CNTNAP2: variants seen among roughly 807,000 people sequenced by gnomAD.
CNTNAP2 encodes contactin-associated protein-like 2.
Under a neutral mutation model 155.2 loss-of-function variants are expected in CNTNAP2, and 98 were observed. The observed-to-expected ratio is 0.63, with a 90% CI of 0.54 to 0.75. The LOEUF is 0.75. Ranked by LOEUF, CNTNAP2 falls within the 30% of genes least tolerant of loss-of-function variation. The pLI, the probability that CNTNAP2 is intolerant of heterozygous loss-of-function variation, is 0.00. For synonymous variants in CNTNAP2, 651 were observed against 631.2 expected (o/e 1.03, Z -0.47); for missense variants, 1,727 against 1,688.1 (o/e 1.02, Z -0.40).
chr7:146,821,938 G>T (rs1323029336), intron 2 of CNTNAP2, among the ~76,000 whole-genome samples: 10 of 151,528 alleles, frequency 6.6e-5, no homozygotes, highest in African/African-American at 2.2e-4. Flanking sequence ...TCTAGAACTA[G>T]AAATACCATT....
intron 1 of CNTNAP2, among the ~76,000 whole-genome samples, chr7:146,642,530 T>A (rs1322583505): frequency 1.3e-5 from 2 of 151,718 alleles, no homozygotes; most frequent in African/African-American, 2.4e-5. Flanking sequence ...GGTGTATACG[T>A]GCCACATTTT....
intron 8 of CNTNAP2, among the ~76,000 whole-genome samples, chr7:147,195,555 G>A (rs1370516751): frequency 6.6e-6 from 1 of 152,120 alleles, no homozygotes; most frequent in East Asian, 1.9e-4. Context: ...CATGAGCATG[G>A]AATGTTTTTC....
chr7:148,345,707 T>C (rs1217649796), intron 21 of CNTNAP2, among the ~76,000 whole-genome samples: 2 of 152,232 alleles, frequency 1.3e-5, no homozygotes, highest in East Asian at 3.9e-4. Context: ...AAAGAGAAAC[T>C]GGACAACTGT....
intron 18 of CNTNAP2, among the ~76,000 whole-genome samples, chr7:148,208,750 G>C (rs1314167104): frequency 6.6e-6 from 1 of 152,106 alleles, no homozygotes; most frequent in African/African-American, 2.4e-5. Flanking sequence ...AATTTCCCCA[G>C]TTAGATTGGG....
At chr7:147,473,069 G>A (rs1167122802) in intron 10 of CNTNAP2, among the ~76,000 whole-genome samples, 1 of 152,198 alleles carries the variant, frequency 6.6e-6, no homozygotes, top group African/African-American at 2.4e-5. Flanking sequence ...GGGCAATAAT[G>A]TGAGTTCAAA....
At chr7:146,720,892 T>C (rs1442345824) in intron 1 of CNTNAP2, among the ~76,000 whole-genome samples, 1 of 134,802 alleles carries the variant, frequency 7.4e-6, no homozygotes, top group African/African-American at 2.8e-5. Flanking sequence ...ATATACTCTC[T>C]ATATATATTC....
At chr7:147,111,472 A>G (rs541551669) in intron 5 of CNTNAP2, among the ~76,000 whole-genome samples, 1 of 152,256 alleles carries the variant, frequency 6.6e-6, no homozygotes, top group South Asian at 2.1e-4. Context: ...AATTGCCTAT[A>G]TAGTCTTCTA....
At chr7:147,186,397 C>T (rs957372306) in intron 8 of CNTNAP2, among the ~76,000 whole-genome samples, 1 of 152,086 alleles carries the variant, frequency 6.6e-6, no homozygotes, top group African/African-American at 2.4e-5. Context: ...TTGAAGCAAA[C>T]TTTTGAGGCA....
At chr7:146,552,773 C>T (rs1798141417) in intron 1 of CNTNAP2, among the ~76,000 whole-genome samples, 3 of 152,032 alleles carry the variant, frequency 2.0e-5, no homozygotes. Flanking sequence ...GTCACATGGT[C>T]CCCTTGCTTT....
rs118135128 is a variant in CNTNAP2 at position 147,181,853 on chromosome 7, G to A, written c.1348+49344G>A. Among the ~76,000 whole-genome samples, 1,270 of 152,028 alleles carry A rather than the reference G, an allele frequency of 8.4e-3. 66 individuals carry two copies. Among genetic ancestry groups the A allele is most frequent in the Admixed American group, 0.066 (1,011 of 15,292 alleles). ...GGTCAAGAGTAACTTCAGGCTGGCC[G>A]CAGTGGCTCACGCCTGTAGTTCCAG... is the stretch of plus-strand genomic sequence containing the variant. On this transcript the variant is annotated intron_variant, in intron 8 of 23. Transcript: ENST00000361727.
At chr7:146,761,489 G>A (rs1802099288) in intron 1 of CNTNAP2, among the ~76,000 whole-genome samples, 1 of 152,080 alleles carries the variant, frequency 6.6e-6, no homozygotes, top group Non-Finnish European at 1.5e-5. Flanking sequence ...TTTAGGCAGC[G>A]AGAACAAGTG....
At chr7:147,372,513 C>T (rs556470972) in intron 9 of CNTNAP2, among the ~76,000 whole-genome samples, 2 of 152,172 alleles carry the variant, frequency 1.3e-5, no homozygotes, top group African/African-American at 4.8e-5. Flanking sequence ...ACTTTTTTCT[C>T]CCACTCTTAA....
chr7:147,545,466 C>T (rs1401196135), intron 11 of CNTNAP2, among the ~76,000 whole-genome samples: 1 of 152,144 alleles, frequency 6.6e-6, no homozygotes, highest in African/African-American at 2.4e-5. Context: ...TCTAACAAGC[C>T]TCCCTAAAAA....
intron 10 of CNTNAP2, among the ~76,000 whole-genome samples, chr7:147,472,204 C>CTTTTTTT (rs542047274): frequency 1.2e-5 from 1 of 81,072 alleles, no homozygotes; most frequent in African/African-American, 5.2e-5. Context: ...TCTTTTTTTC[C>CTTTTTTT]TTTTTTTTTT....
Position 147,805,646 on chromosome 7 carries a change from T to C in CNTNAP2, c.2099-97919T>C, listed in dbSNP as rs548856558. On this transcript the variant is annotated intron_variant, in intron 13 of 23. Coordinates refer to ENST00000361727, the MANE Select transcript of CNTNAP2 (RefSeq NM_014141.6). ...TTTTTTATCATGAAGGAATGCTGGG[T>C]TTTATCAAATGCTTTTTCTAGCCTC... Among the ~76,000 whole-genome samples the C allele has an allele frequency of 2.6e-5, 4 of 152,332 alleles. No homozygotes were observed. The East Asian group carries it at 7.7e-4, about 29-fold the overall frequency.
At chr7:146,411,056 A>C (rs538208856) in intron 1 of CNTNAP2, among the ~76,000 whole-genome samples, 20 of 152,294 alleles carry the variant, frequency 1.3e-4, no homozygotes, top group African/African-American at 4.3e-4. Flanking sequence ...ATTGTGAAAA[A>C]TGCAATGAAC....
intron 3 of CNTNAP2, among the ~76,000 whole-genome samples, chr7:146,935,649 C>T (rs963627316): frequency 6.6e-6 from 1 of 152,164 alleles, no homozygotes; most frequent in Non-Finnish European, 1.5e-5. Flanking sequence ...ATTTTAAATT[C>T]TCTTGTGAAA....
chr7:146,695,062 GC>G (rs1428857039), intron 1 of CNTNAP2, among the ~76,000 whole-genome samples: 2 of 152,030 alleles, frequency 1.3e-5, no homozygotes, highest in African/African-American at 4.8e-5. Flanking sequence ...TTTCTCCCCA[GC>G]CTGTATAAAT....
In CNTNAP2 at chr7:147,227,715, G is replaced by A. The variant is rs568870615; in HGVS notation, c.1349-72426G>A. On this transcript the variant is annotated intron_variant, in intron 8 of 23. Transcript: ENST00000361727. ...CAGCCTGCTTTTGGGTTCAGTATCA[G>A]GACTGCAAATTTAGGCATGTTGACT... 2.0e-5 allele frequency among the ~76,000 whole-genome samples: 3 copies of A among 152,238 alleles called. No individual in the cohort carries two copies. In the South Asian group the frequency reaches 6.2e-4, roughly 32 times the overall value.
Sources: allele counts gnomAD v4.1 joint callset (sites outside exome capture counted in the v4.1 genomes callset), GRCh38; gene constraint gnomAD v4.1.1; transcripts MANE v1.5; gene names NCBI Gene and HGNC (gene_info 2026-07-23, HGNC 2026-07-21).